Variants in INTS3 observed in about 807,000 individuals in gnomAD.
INTS3 encodes integrator complex subunit 3.
In INTS3, 34 loss-of-function variants were observed where a neutral mutation model predicts 146.3. The ratio of observed to expected loss-of-function variants is 0.23; its 90% CI spans 0.18 to 0.31. INTS3 has a LOEUF of 0.31. Among genes scored for constraint, INTS3 ranks in the 10% least tolerant of loss-of-function variants. INTS3 has a pLI of 1.00. For missense variants in INTS3, 757 were observed against 1,304.2 expected, an observed-to-expected ratio of 0.58 and a Z score of 6.46; for synonymous variants, 475 against 494.9, an observed-to-expected ratio of 0.96 and a Z score of 0.53.
In INTS3 at chr1:153,731,730, C is replaced by T. The variant is rs1671069147; in HGVS notation, c.150+2946C>T. Among the ~76,000 whole-genome samples, 3 of 148,758 alleles carry T rather than the reference C, an allele frequency of 2.0e-5. No homozygotes were observed. The Admixed American group carries it at 2.0e-4, about 10-fold the overall frequency. ...CCTCCCGAGTAGCTGAGACTACAGG[C>T]GCCTGCCACCACGCCCGGCTAATTT... On this transcript the variant is annotated intron_variant, in intron 1 of 29. Transcript: ENST00000318967.
At position 153,762,786 on chromosome 1, in the gene INTS3, G is replaced by C. The variant is rs1291670859; in HGVS notation, c.1575G>C (p.Glu525Asp). 7 of 1,614,080 alleles carry C rather than the reference G, an allele frequency of 4.3e-6. No homozygotes were observed. The African/African-American group carries it at 6.7e-5, about 15-fold the overall frequency. ...ACAACCATATGTCGGATAAGGATGA[G>C]AGTTGCTATGACAATGCAGAGGCAG... is the stretch of plus-strand genomic sequence containing the variant. ...EMDNHMSDKD[E>D]SCYDNAEAAF... The change falls in exon 15 of 30, where the codon GAG (glutamate) becomes GAC (aspartate). Residue 525 changes from glutamate to aspartate, a missense_variant. By Grantham distance (45) the Glu-to-Asp change is conservative. Around this residue, in one of 8 missense-constraint regions of INTS3, gnomAD observed 97 missense variants for 113.6 expected, o/e 0.85. Coordinates refer to ENST00000318967, the MANE Select transcript of INTS3 (RefSeq NM_023015.5).
intron 1 of INTS3, among the ~76,000 whole-genome samples, chr1:153,738,194 G>C (rs1487184858): frequency 6.6e-6 from 1 of 151,636 alleles, no homozygotes; most frequent in Non-Finnish European, 1.5e-5. Context: ...GCCCTCCTGG[G>C]CTCAAGTGAT....
rs1672492319 is a variant in INTS3, at chr1:153,764,237, CCTCA to C, written c.1925+20_1925+23del. 6.4e-7 allele frequency: 1 copy of C among 1,574,690 alleles called. No individual in the cohort carries two copies. Among genetic ancestry groups the C allele is most frequent in the Non-Finnish European group, 8.7e-7 (1 of 1,144,144 alleles). On this transcript the variant is annotated intron_variant, in intron 18 of 29. Transcript: ENST00000318967. ...TTACTGAGGAGTAAGGCTGATTTTC[CCTCA>C]CTCCAGAGCCTCAGGAGCCAGAGGG...
At position 153,773,317 on chromosome 1, in the gene INTS3, C is replaced by T. The variant is rs770697541; in HGVS notation, c.*47C>T. ...CCCCCGGCTGGACTGCCCTCTCCTT[C>T]TTGGTGATTCAAAGGTTAATAGAGG... On this transcript the variant is annotated 3_prime_UTR_variant, in exon 30 of 30. Coordinates refer to ENST00000318967, the MANE Select transcript of INTS3 (RefSeq NM_023015.5). 1 of 1,530,578 alleles carries T rather than the reference C, an allele frequency of 6.5e-7. No homozygotes were observed. Among genetic ancestry groups the T allele is most frequent in the East Asian group, 2.2e-5 (1 of 44,480 alleles). 94.8% of individuals were successfully genotyped at this position (1,530,578 alleles called of 1,614,324 possible). A position where few individuals can be genotyped will look rare whatever the true frequency, so the allele number is the denominator to read the frequency against.
chr1:153,763,406 G>C, intron 16 of INTS3, 44 bp downstream of exon 16: 1 of 1,610,402 alleles, frequency 6.2e-7, no homozygotes, highest in Non-Finnish European at 8.5e-7. Flanking sequence ...TTCAGCCCCA[G>C]GCTCTCTACC....
chr1:153,772,446 C>T lies in INTS3; in HGVS notation c.2821+6C>T, dbSNP rs767787255. 2 of 1,614,176 alleles carry T rather than the reference C, an allele frequency of 1.2e-6. No individual in the cohort carries two copies. The highest frequency in any genetic ancestry group is 3.3e-5 in the Admixed American group (2 of 60,020). ...GACCAACACCAAGCAGAACTGTATG[C>T]CTTCCACCCTCGGCGTCCAGTGTAG... is the stretch of plus-strand genomic sequence containing the variant. On this transcript the variant is annotated splice_donor_region_variant and intron_variant, in intron 27 of 29. Transcript: ENST00000318967. The surrounding 1 kb of genome is among the most constrained non-coding windows in gnomAD (Gnocchi z 4.6).
chr1:153,729,750 C>T (rs1298278097), intron 1 of INTS3, among the ~76,000 whole-genome samples: 2 of 151,634 alleles, frequency 1.3e-5, no homozygotes, highest in African/African-American at 4.8e-5. Context: ...CCTGTAATCC[C>T]AGCTGTTTGG....
At chr1:153,745,875 G>A (rs144282959) in intron 3 of INTS3, among the ~76,000 whole-genome samples, 2 of 152,294 alleles carry the variant, frequency 1.3e-5, no homozygotes, top group African/African-American at 2.4e-5. Context: ...GGAGGCCGAG[G>A]TGGGAGAATC....
At chr1:153,763,603 C>T (rs2101820826) in intron 16 of INTS3, among the ~76,000 whole-genome samples, 1 of 152,318 alleles carries the variant, frequency 6.6e-6, no homozygotes, top group East Asian at 1.9e-4. Flanking sequence ...GGGAGAAGAA[C>T]CTCTGAGAAC....
At chr1:153,745,115 C>G (rs1557993902) in intron 3 of INTS3, among the ~76,000 whole-genome samples, 1 of 149,990 alleles carries the variant, frequency 6.7e-6, no homozygotes, top group African/African-American at 2.5e-5. Context: ...TGATGCCATC[C>G]TTGCTGTATT....
At chr1:153,747,230 T>A (rs1162324508) in intron 4 of INTS3, 49 bp from the exon 5 acceptor site, 1 of 1,541,258 alleles carries the variant, frequency 6.5e-7, no homozygotes. Flanking sequence ...AGCTCCCTTC[T>A]CAAACTCACA....
At chr1:153,738,885 TTAAG>T (rs1279337736) in intron 1 of INTS3, among the ~76,000 whole-genome samples, 3 of 150,464 alleles carry the variant, frequency 2.0e-5, no homozygotes, top group South Asian at 2.1e-4. Context: ...GATGATAATA[TTAAG>T]TGTCTTTTTT....
chr1:153,746,533 A>T (rs1433452821), intron 3 of INTS3, among the ~76,000 whole-genome samples: 2 of 152,124 alleles, frequency 1.3e-5, no homozygotes, highest in Non-Finnish European at 2.9e-5. Context: ...CCCGAGCAGC[A>T]GGGACTACAG....
At position 153,746,983 on chromosome 1, in the gene INTS3, T is replaced by C. The variant is rs1268671727; in HGVS notation, c.345T>C (p.Ser115=). The part of the protein sequence containing the change: ...QKCYRDLALV[S]RDGMNIVLNK... ...GTTACCGGGACTTAGCTCTGGTGAG[T>C]CGTGATGGCATGAATATTGTCCTGA... Residue 115 remains serine, a synonymous_variant, in exon 4 of 30, where the codon AGT becomes AGC. Coordinates refer to ENST00000318967, the MANE Select transcript of INTS3 (RefSeq NM_023015.5). The C allele has an allele frequency of 6.2e-7, 1 of 1,613,582 alleles. No homozygotes were observed. Among genetic ancestry groups the C allele is most frequent in the Non-Finnish European group, 8.5e-7 (1 of 1,179,706 alleles).
chr1:153,760,547 C>T, intron 12 of INTS3, 157 bp downstream of exon 12: 1 of 652,440 alleles, frequency 1.5e-6, no homozygotes, highest in South Asian at 1.8e-5. Context: ...GCTTCCCTTC[C>T]ATATTCCACT....
intron 8 of INTS3, among the ~76,000 whole-genome samples, chr1:153,753,071 T>A (rs1007307807): frequency 8.4e-4 from 120 of 142,876 alleles, no homozygotes; most frequent in African/African-American, 3.1e-3. Flanking sequence ...ACACACACAC[T>A]CACTCTGAAG....
chr1:153,762,608 C>T, intron 14 of INTS3, 120 bp from the exon 15 acceptor site: 1 of 1,229,688 alleles, frequency 8.1e-7, no homozygotes, highest in Non-Finnish European at 1.1e-6. Context: ...GGTCAGTATT[C>T]CATTTAGATG....
chr1:153,741,194 T>G, intron 2 of INTS3, 91 bp from the exon 3 acceptor site: 1 of 882,756 alleles, frequency 1.1e-6, no homozygotes, highest in East Asian at 2.4e-5. Context: ...TGCATCTTCC[T>G]TAGGAGTCCC....
chr1:153,773,044 C>G lies in INTS3; in HGVS notation c.3014C>G (p.Pro1005Arg). The change falls in exon 29 of 30, where the codon CCC (proline) becomes CGC (arginine). Residue 1005 changes from proline (P) to arginine (R), a missense_variant. Transcript: ENST00000318967. ...PRSRKNATQP[P>R]NAEEESGSSS... Reference sequence around the variant, plus strand: ...AGTCGAAAGAATGCCACACAGCCCCCCAATGCCGAAGAAGAGTCGGGCTCC... The same window carrying G: ...AGTCGAAAGAATGCCACACAGCCCCGCAATGCCGAAGAAGAGTCGGGCTCC... The G allele has an allele frequency of 1.2e-6, 2 of 1,614,192 alleles. No individual in the cohort carries two copies. The highest frequency in any genetic ancestry group is 1.7e-5 in the Admixed American group (1 of 60,016).
Sources: gnomAD v4.1 joint callset for allele counts (sites outside exome capture counted in the v4.1 genomes callset) on GRCh38, gnomAD v4.1.1 for gene constraint, gnomAD v4.1.1 regional missense constraint, Gnocchi (gnomAD v3.1) non-coding constraint, MANE v1.5 for transcripts, NCBI Gene and HGNC (gene_info 2026-07-23, HGNC 2026-07-21) for gene names.